Variants in GALNTL6 observed in about 807,000 individuals in gnomAD.
The protein encoded by GALNTL6 is polypeptide N-acetylgalactosaminyltransferase like 6.
Under a neutral mutation model 73.7 loss-of-function variants are expected in GALNTL6, and 46 were observed. The observed-to-expected ratio is 0.62, with a 90% confidence interval of 0.49 to 0.80. The LOEUF is 0.80. GALNTL6 is among the 30% of genes least tolerant of loss of function. The pLI, the probability that GALNTL6 is intolerant of heterozygous loss-of-function variation, is 0.00. For synonymous variants in GALNTL6, 259 were observed against 263.7 expected (o/e 0.98, Z 0.17); for missense variants, 604 against 755.0 (o/e 0.80, Z 2.34).
chr4:172,463,433 C>T (rs74705352), intron 5 of GALNTL6, among the ~76,000 whole-genome samples: 1,675 of 151,810 alleles, frequency 0.011, 11 homozygotes, highest in Non-Finnish European at 0.018. Flanking sequence ...ATGCCTATAT[C>T]GGTATGTAGC....
chr4:172,000,780 T>A (rs919853285), intron 2 of GALNTL6, among the ~76,000 whole-genome samples: 2 of 152,120 alleles, frequency 1.3e-5, no homozygotes, highest in African/African-American at 4.8e-5. Flanking sequence ...TCCAGACTAT[T>A]GGAGGAGCTG....
intron 4 of GALNTL6, among the ~76,000 whole-genome samples, chr4:172,312,349 A>G (rs1273473169): frequency 6.6e-6 from 1 of 152,068 alleles, no homozygotes; most frequent in African/African-American, 2.4e-5. Flanking sequence ...TACTTACCCC[A>G]AATCCATCTT....
At chr4:171,972,074 G>A (rs72696998) in intron 2 of GALNTL6, among the ~76,000 whole-genome samples, 4,054 of 152,240 alleles carry the variant, frequency 0.027, 96 homozygotes, top group Non-Finnish European at 0.037. Context: ...CATTGTGTGA[G>A]CATTATTTCA....
Position 171,840,881 on chromosome 4 carries a change from C to A in GALNTL6, c.138+26163C>A, listed in dbSNP as rs148453905. ...CATTCTCCCCCATTGGAAAATTGGA[C>A]ATGCTTATGTAGAAAATTCTAAAAG... On this transcript the variant is annotated intron_variant, in intron 2 of 12. Transcript: ENST00000506823. Among the ~76,000 whole-genome samples the A allele has an allele frequency of 6.2e-3, 944 of 152,214 alleles. 13 individuals are homozygous for A. Among genetic ancestry groups the A allele is most frequent in the African/African-American group, 0.021 (872 of 41,538 alleles).
chr4:172,740,200 G>A (rs554232867), intron 5 of GALNTL6, among the ~76,000 whole-genome samples: 1 of 152,050 alleles, frequency 6.6e-6, no homozygotes, highest in Admixed American at 6.6e-5. Flanking sequence ...CTTCCACATT[G>A]ACCAAGAACC....
intron 2 of GALNTL6, among the ~76,000 whole-genome samples, chr4:171,934,937 C>T (rs1236219641): frequency 6.6e-6 from 1 of 152,008 alleles, no homozygotes; most frequent in East Asian, 1.9e-4. Flanking sequence ...CTTTTTTTCT[C>T]CCCAAGAATG....
At position 171,828,958 on chromosome 4, in the gene GALNTL6, T is replaced by C. The variant is rs144141184; in HGVS notation, c.138+14240T>C. On this transcript the variant is annotated intron_variant, in intron 2 of 12. Transcript: ENST00000506823. ...CCCCTCATGACTTTCTTAATAACAT[T>C]TTATTTTCTCTAGCTTACTTTACTG... is the stretch of plus-strand genomic sequence containing the variant. Among the ~76,000 whole-genome samples the C allele has an allele frequency of 1.3e-4, 20 of 152,224 alleles. No homozygotes were observed. The East Asian group carries it at 3.7e-3, about 28-fold the overall frequency.
At chr4:172,532,840 G>A (rs768080564) in intron 5 of GALNTL6, among the ~76,000 whole-genome samples, 26 of 152,058 alleles carry the variant, frequency 1.7e-4, no homozygotes, top group Non-Finnish European at 3.2e-4. Context: ...CACTAGATAA[G>A]TTGAACTCTT....
In GALNTL6 at chr4:171,945,830, T is replaced by C. The variant is rs535434870; in HGVS notation, c.138+131112T>C. Among the ~76,000 whole-genome samples, 275 of 152,292 alleles carry C rather than the reference T, an allele frequency of 1.8e-3. 6 individuals are homozygous for C. The South Asian group carries it at 0.055, about 30-fold the overall frequency. On this transcript the variant is annotated intron_variant, in intron 2 of 12. Coordinates refer to ENST00000506823, the MANE Select transcript of GALNTL6 (RefSeq NM_001034845.3). Reference sequence around the variant, plus strand: ...AAATTTGCTTGCAAATTTAAAGACATTATTCTGTTTTGGGAGGTATATAGT... The same window carrying C: ...AAATTTGCTTGCAAATTTAAAGACACTATTCTGTTTTGGGAGGTATATAGT...
intron 8 of GALNTL6, among the ~76,000 whole-genome samples, chr4:172,921,793 CAAA>C (rs370693087): frequency 2.2e-4 from 13 of 58,568 alleles, no homozygotes; most frequent in Non-Finnish European, 2.1e-4. Flanking sequence ...GACCTTGTCT[CAAA>C]AAAAAAAAAA....
intron 10 of GALNTL6, among the ~76,000 whole-genome samples, chr4:172,977,836 G>A (rs1177509199): frequency 1.3e-5 from 2 of 152,086 alleles, no homozygotes; most frequent in African/African-American, 2.4e-5. Context: ...CTCCACCTGT[G>A]TGTTTGGTTT....
chr4:172,788,186 AAAAC>A (rs71594008), intron 5 of GALNTL6, among the ~76,000 whole-genome samples: 78,872 of 150,866 alleles, frequency 0.52, 21,290 homozygotes, highest in East Asian at 0.77. Context: ...TCTCTACAAA[AAAAC>A]AAACAAACAA....
intron 5 of GALNTL6, among the ~76,000 whole-genome samples, chr4:172,565,685 ATTC>A (rs1345580229): frequency 3.3e-5 from 5 of 152,124 alleles, no homozygotes; most frequent in Admixed American, 6.6e-5. Flanking sequence ...ATTGCCATTA[ATTC>A]TTCTTTTAAT....
At chr4:172,945,900 T>C (rs1749143957) in intron 9 of GALNTL6, among the ~76,000 whole-genome samples, 1 of 152,168 alleles carries the variant, frequency 6.6e-6, no homozygotes, top group Non-Finnish European at 1.5e-5. Flanking sequence ...CATGATGACA[T>C]TATCATATTA....
At chr4:172,848,470 A>G (rs1743631258) in intron 7 of GALNTL6, among the ~76,000 whole-genome samples, 2 of 152,214 alleles carry the variant, frequency 1.3e-5, no homozygotes, top group South Asian at 4.1e-4. Context: ...TATTTCTTAG[A>G]ATAGACACTT....
chr4:171,964,574 A>G (rs1034042402), intron 2 of GALNTL6, among the ~76,000 whole-genome samples: 2 of 152,184 alleles, frequency 1.3e-5, no homozygotes, highest in African/African-American at 4.8e-5. Flanking sequence ...TTCCCCGAAC[A>G]TACCCCATTT....
At chr4:172,212,640 C>T (rs565226719) in intron 2 of GALNTL6, among the ~76,000 whole-genome samples, 3 of 152,046 alleles carry the variant, frequency 2.0e-5, no homozygotes, top group Non-Finnish European at 4.4e-5. Flanking sequence ...CTTCATGAAC[C>T]CCTGGCAACC....
intron 5 of GALNTL6, among the ~76,000 whole-genome samples, chr4:172,361,352 T>C (rs111644472): frequency 1.3e-5 from 2 of 151,162 alleles, no homozygotes; most frequent in South Asian, 2.1e-4. Context: ...GTGGCAGGTA[T>C]AGAAAATATT....
intron 2 of GALNTL6, among the ~76,000 whole-genome samples, chr4:172,140,020 C>A (rs1056635542): frequency 6.6e-6 from 1 of 151,422 alleles, no homozygotes; most frequent in Non-Finnish European, 1.5e-5. Context: ...TTATTACATG[C>A]ACTTTCCAAA....
Sources: gnomAD v4.1 joint callset for allele counts (sites outside exome capture counted in the v4.1 genomes callset) on GRCh38, gnomAD v4.1.1 for gene constraint, MANE v1.5 for transcripts, NCBI Gene and HGNC (gene_info 2026-07-23, HGNC 2026-07-21) for gene names.